The following AP2A2 variants were observed in gnomAD, a reference collection of about 807,000 sequenced individuals.
AP2A2 encodes the protein adaptor related protein complex 2 subunit alpha 2.
A neutral mutation model predicts 104.2 loss-of-function variants in AP2A2; 32 were observed. The observed-to-expected ratio is 0.31, with a 90% CI of 0.23 to 0.41. AP2A2 has a LOEUF of 0.41. Among genes scored for constraint, AP2A2 ranks in the 10% least tolerant of loss-of-function variants. The pLI, the probability that AP2A2 is intolerant of heterozygous loss-of-function variation, is 1.00. For missense variants in AP2A2, 912 were observed against 1,261.0 expected (o/e 0.72, Z 4.19); for synonymous variants, 539 against 533.3 (o/e 1.01, Z -0.15).
chr11:958,597 G>C (rs1854317501), intron 1 of AP2A2, among the ~76,000 whole-genome samples: 1 of 152,198 alleles, frequency 6.6e-6, no homozygotes, highest in African/African-American at 2.4e-5. Context: ...GAATAGATCA[G>C]TCTTTCCTGC....
Position 975,794 on chromosome 11 carries a change from C to T in AP2A2, c.474-1301C>T, listed in dbSNP as rs549966627. 2.6e-5 allele frequency among the ~76,000 whole-genome samples: 4 copies of T among 151,820 alleles called. No homozygotes were observed. In the South Asian group the frequency reaches 6.2e-4, roughly 24 times the overall value. On this transcript the variant is annotated intron_variant, in intron 4 of 21. Transcript: ENST00000448903. ...GAGTGGCGGTGGGGTCCTCTGTCTC[C>T]CTTGTGTGAGCAGATGCTGGAAAGT...
intron 4 of AP2A2, among the ~76,000 whole-genome samples, chr11:975,477 C>T (rs1412437124): frequency 2.1e-5 from 3 of 142,414 alleles, no homozygotes; most frequent in Admixed American, 6.7e-5. Flanking sequence ...TCGTGTGAGC[C>T]GACATCGGAG....
intron 1 of AP2A2, among the ~76,000 whole-genome samples, chr11:934,167 C>T (rs749235324): frequency 6.6e-6 from 1 of 151,980 alleles, no homozygotes; most frequent in South Asian, 2.1e-4. Context: ...AACTCCAGGT[C>T]GAAACTCCAG....
Position 1,011,287 on chromosome 11 carries a change from G to A in AP2A2, c.*662G>A, listed in dbSNP as rs1457272059. ...TCTGTTATGCTCCTGCAGTCGCCGA[G>A]GCCTTGGATGTGCAGCCAGGGGAGG... On this transcript the variant is annotated 3_prime_UTR_variant, in exon 22 of 22. Transcript: ENST00000448903. 1.9e-6 allele frequency: 1 copy of A among 518,894 alleles called. No individual in the cohort carries two copies. Among genetic ancestry groups the A allele is most frequent in the Non-Finnish European group, 3.8e-6 (1 of 259,874 alleles). The allele number at this position is 518,894 out of a possible 1,614,324, so 32.1% of individuals were successfully genotyped here. A position where few individuals can be genotyped will look rare whatever the true frequency, so the allele number is the denominator to read the frequency against.
At chr11:974,412 C>T (rs1854944641) in intron 4 of AP2A2, among the ~76,000 whole-genome samples, 1 of 152,212 alleles carries the variant, frequency 6.6e-6, no homozygotes. Flanking sequence ...AGGCTGGGCA[C>T]AGTGGCTCAC....
chr11:977,167 T>C lies in AP2A2; in HGVS notation c.546T>C (p.Leu182=), dbSNP rs780587992. Reference sequence around the variant, plus strand: ...GCCTGTACAGGACGTCCCCCGATCTTGTCCCCATGGGCGACTGGACATCCC... The same window carrying C: ...GCCTGTACAGGACGTCCCCCGATCTCGTCCCCATGGGCGACTGGACATCCC... ...LLRLYRTSPD[L]VPMGDWTSRV... is the part of the protein sequence containing the mutation. The change falls in exon 5 of 22, where the codon CTT becomes CTC. Residue 182 remains leucine, a synonymous_variant. Transcript: ENST00000448903. 4 of 1,613,014 alleles carry C rather than the reference T, an allele frequency of 2.5e-6. No individual in the cohort carries two copies. The highest frequency in any genetic ancestry group is 3.4e-6 in the Non-Finnish European group (4 of 1,179,334).
intron 21 of AP2A2, chr11:1,010,106 G>A (rs1856370488): frequency 2.1e-6 from 1 of 486,466 alleles, no homozygotes. Flanking sequence ...GGCCACCGTG[G>A]AGCATCGTCC....
chr11:1,004,774 G>A (rs1475123048), intron 16 of AP2A2, among the ~76,000 whole-genome samples: 3 of 152,122 alleles, frequency 2.0e-5, no homozygotes, highest in Admixed American at 2.0e-4. Context: ...AGACCCTGTC[G>A]TTCATTCATT....
Position 1,000,565 on chromosome 11 carries a change from C to G in AP2A2, c.2090C>G (p.Pro697Arg). Reference protein sequence around the residue: ...VFSDSASVVAPLAPGSEDNFA... With the variant: ...VFSDSASVVARLAPGSEDNFA... ...TCAGACTCGGCCTCTGTGGTCGCGC[C>G]TCTCGCTCCTGGCTCCGAAGACAAC... The change falls in exon 15 of 22, where the codon CCT becomes CGT. Residue 697 changes from proline (P) to arginine (R), a missense_variant. By Grantham distance (103) the Pro-to-Arg change is moderately radical. Transcript: ENST00000448903. 2.6e-6 allele frequency: 4 copies of G among 1,550,520 alleles called. No individual in the cohort carries two copies. Among genetic ancestry groups the G allele is most frequent in the Non-Finnish European group, 3.5e-6 (4 of 1,153,498 alleles).
chr11:987,465 C>T (rs879640801), intron 9 of AP2A2, among the ~76,000 whole-genome samples: 4 of 151,874 alleles, frequency 2.6e-5, no homozygotes, highest in African/African-American at 4.8e-5. Flanking sequence ...CCGGCTAACA[C>T]GGTGAAACCC....
intron 21 of AP2A2, 167 bp from the exon 22 acceptor site, chr11:1,010,381 G>A: frequency 1.6e-6 from 1 of 615,954 alleles, no homozygotes; most frequent in Non-Finnish European, 2.9e-6. Context: ...CCAGCCCTCA[G>A]TTTTCATGCT....
chr11:936,972 T>A (rs1407715744), intron 1 of AP2A2, among the ~76,000 whole-genome samples: 3 of 152,134 alleles, frequency 2.0e-5, no homozygotes, highest in Non-Finnish European at 4.4e-5. Context: ...TCCTCTTTCC[T>A]GAGACTCTTC....
chr11:947,244 C>T (rs1389733914), intron 1 of AP2A2, among the ~76,000 whole-genome samples: 4 of 152,110 alleles, frequency 2.6e-5, no homozygotes, highest in Non-Finnish European at 5.9e-5. Flanking sequence ...CTCCTGACCT[C>T]AGGTAATCCA....
intron 2 of AP2A2, among the ~76,000 whole-genome samples, chr11:964,733 T>C (rs1854554041): frequency 6.6e-6 from 1 of 151,344 alleles, no homozygotes; most frequent in African/African-American, 2.4e-5. Flanking sequence ...AAGACAGAAA[T>C]GGAAAGAATT....
intron 9 of AP2A2, among the ~76,000 whole-genome samples, chr11:988,076 G>T (rs1465403730): frequency 6.6e-6 from 1 of 152,256 alleles, no homozygotes; most frequent in Non-Finnish European, 1.5e-5. Flanking sequence ...TCCTGCCTTT[G>T]TTGGGAGCAG....
At chr11:997,787 C>T (rs1428703563) in intron 14 of AP2A2, among the ~76,000 whole-genome samples, 1 of 152,128 alleles carries the variant, frequency 6.6e-6, no homozygotes, top group Non-Finnish European at 1.5e-5. Context: ...TGCCTGTAAT[C>T]CCAGCTGCTC....
At chr11:972,304 A>G (rs1157726919) in intron 4 of AP2A2, 49 bp downstream of exon 4, 2 of 1,493,376 alleles carry the variant, frequency 1.3e-6, no homozygotes, top group South Asian at 1.3e-5. Flanking sequence ...TGCTGCTTTC[A>G]TGCCAAATAC....
intron 1 of AP2A2, chr11:943,304 G>C (rs1404682078): frequency 6.6e-6 from 1 of 152,262 alleles, no homozygotes; most frequent in Admixed American, 6.5e-5. Flanking sequence ...GATCGATTGA[G>C]CAAGCAGGGG....
At chr11:1,006,303 C>T (rs1244761133) in intron 16 of AP2A2, among the ~76,000 whole-genome samples, 2 of 152,178 alleles carry the variant, frequency 1.3e-5, no homozygotes, top group Non-Finnish European at 2.9e-5. Context: ...TGCTGGAGGG[C>T]GGAAGTTACC....
Sources: gnomAD v4.1 joint callset for allele counts (sites outside exome capture counted in the v4.1 genomes callset) on GRCh38, gnomAD v4.1.1 for gene constraint, MANE v1.5 for transcripts, NCBI Gene and HGNC (gene_info 2026-07-23, HGNC 2026-07-21) for gene names.